Variants in LRRTM3 observed in about 807,000 individuals in gnomAD.
The protein encoded by LRRTM3 is leucine rich repeat transmembrane neuronal 3, also known as leucine-rich repeat transmembrane neuronal protein 3.
LRRTM3 carries 24 observed loss-of-function variants against 44.7 expected under a neutral mutation model. The ratio of observed to expected loss-of-function variants is 0.54; its 90% CI spans 0.39 to 0.76. The LOEUF (loss-of-function observed/expected upper bound fraction) is 0.76. Among genes scored for constraint, LRRTM3 ranks in the 30% least tolerant of loss-of-function variants. The probability of loss-of-function intolerance (pLI) is 0.00; values close to 1 mark genes in which losing one functional copy is unlikely to be tolerated. For missense variants in LRRTM3, 587 were observed against 702.2 expected (o/e 0.84, Z 1.85); for synonymous variants, 277 against 278.7 (o/e 0.99, Z 0.06).
intron 2 of LRRTM3, among the ~76,000 whole-genome samples, chr10:66,997,694 A>T (rs1395017055): frequency 1.3e-5 from 2 of 152,124 alleles, no homozygotes; most frequent in African/African-American, 4.8e-5. Context: ...TCATCTAAAT[A>T]CCTCATTAAA....
In LRRTM3 at chr10:67,099,690, G is replaced by A. The variant is rs1858225658; in HGVS notation, c.*1894G>A. On this transcript the variant is annotated 3_prime_UTR_variant, in exon 3 of 3. Coordinates refer to ENST00000361320, the MANE Select transcript of LRRTM3 (RefSeq NM_178011.5). ...AGCAAATTCTATTACTAATTCAAATGAAACTAAATGTCAAACACAGTACTT... is the reference window on the plus strand; with the variant it reads ...AGCAAATTCTATTACTAATTCAAATAAAACTAAATGTCAAACACAGTACTT... 1 of 152,126 alleles carries A rather than the reference G, an allele frequency of 6.6e-6. No individual in the cohort carries two copies. Among genetic ancestry groups the A allele is most frequent in the South Asian group, 2.1e-4 (1 of 4,838 alleles). The allele number at this position is 152,126 out of a possible 1,614,324, so 9.4% of individuals were successfully genotyped here.
At chr10:66,970,277 G>A (rs921087900) in intron 2 of LRRTM3, among the ~76,000 whole-genome samples, 1 of 152,082 alleles carries the variant, frequency 6.6e-6, no homozygotes, top group Non-Finnish European at 1.5e-5. Flanking sequence ...TGGCTATTGG[G>A]ATTTCTTTAC....
intron 2 of LRRTM3, among the ~76,000 whole-genome samples, chr10:66,985,515 A>G (rs1443579463): frequency 1.3e-5 from 2 of 152,114 alleles, no homozygotes; most frequent in Non-Finnish European, 2.9e-5. Context: ...CTAGTTCTCA[A>G]ATCTTCTGCA....
intron 2 of LRRTM3, among the ~76,000 whole-genome samples, chr10:67,087,865 C>A (rs1023008744): frequency 6.6e-6 from 1 of 151,920 alleles, no homozygotes; most frequent in African/African-American, 2.4e-5. Flanking sequence ...TTCATTCATT[C>A]AATAAATACA....
chr10:66,955,404 C>T (rs761739444), intron 2 of LRRTM3, among the ~76,000 whole-genome samples: 20 of 152,228 alleles, frequency 1.3e-4, no homozygotes, highest in Middle Eastern at 3.4e-3. Context: ...CACAATCACC[C>T]TATGATGTAG....
chr10:67,071,347 C>A (rs1314791784), intron 2 of LRRTM3, among the ~76,000 whole-genome samples: 4 of 119,428 alleles, frequency 3.3e-5, no homozygotes, highest in Non-Finnish European at 5.2e-5. Flanking sequence ...TTTTTTTGGT[C>A]AGAAAATGTC....
intron 2 of LRRTM3, among the ~76,000 whole-genome samples, chr10:67,062,514 A>AGT (rs997752117): frequency 2.0e-5 from 3 of 152,058 alleles, no homozygotes; most frequent in Admixed American, 6.6e-5. Flanking sequence ...TTTGGTTGAA[A>AGT]GTGTGTGTGT....
chr10:66,990,889 T>C (rs899721237), intron 2 of LRRTM3, among the ~76,000 whole-genome samples: 9 of 152,202 alleles, frequency 5.9e-5, no homozygotes, highest in African/African-American at 1.7e-4. Flanking sequence ...GTAGACCAAG[T>C]AGAACTCTAG....
chr10:67,101,241 A>G lies in LRRTM3; in HGVS notation c.*3445A>G, dbSNP rs940097269. Among the ~76,000 whole-genome samples the G allele has an allele frequency of 2.0e-5, 3 of 151,794 alleles. No homozygotes were observed. Among genetic ancestry groups the G allele is most frequent in the African/African-American group, 7.2e-5 (3 of 41,414 alleles). ...AAAGAAACCCCAAGGAAAAAACCAA[A>G]GACCTTCTAAATTGAGACTGCATAA... On this transcript the variant is annotated 3_prime_UTR_variant, in exon 3 of 3. Coordinates refer to ENST00000361320, the MANE Select transcript of LRRTM3 (RefSeq NM_178011.5).
intron 2 of LRRTM3, among the ~76,000 whole-genome samples, chr10:67,068,185 G>C (rs957473237): frequency 3.3e-5 from 5 of 152,122 alleles, no homozygotes; most frequent in African/African-American, 1.2e-4. Flanking sequence ...AGGGGGGAAG[G>C]ATATATAATA....
intron 2 of LRRTM3, among the ~76,000 whole-genome samples, chr10:66,958,611 G>GAAAACA (rs1370436507): frequency 6.6e-6 from 1 of 151,794 alleles, no homozygotes; most frequent in African/African-American, 2.4e-5. Context: ...AATACTTACA[G>GAAAACA]AAAACAAAAG....
At chr10:67,037,632 T>G (rs1482642156) in intron 2 of LRRTM3, among the ~76,000 whole-genome samples, 1 of 152,082 alleles carries the variant, frequency 6.6e-6, no homozygotes, top group Non-Finnish European at 1.5e-5. Context: ...AAACCTGAAC[T>G]AAGACACTAA....
intron 2 of LRRTM3, among the ~76,000 whole-genome samples, chr10:67,089,948 A>G (rs1344572888): frequency 6.6e-6 from 1 of 152,078 alleles, no homozygotes; most frequent in Non-Finnish European, 1.5e-5. Flanking sequence ...GTTTTACATA[A>G]AGAAAAAATT....
chr10:67,019,612 G>C (rs140550932), intron 2 of LRRTM3, among the ~76,000 whole-genome samples: 1 of 152,312 alleles, frequency 6.6e-6, no homozygotes, highest in Non-Finnish European at 1.5e-5. Context: ...CAAAGAGGTT[G>C]AGTAATTTGT....
rs140558836 is a variant in LRRTM3, at chr10:67,097,928, C to G, written c.*132C>G. The G allele has an allele frequency of 5.4e-6, 4 of 735,092 alleles. No homozygotes were observed. In the East Asian group the frequency reaches 1.1e-4, roughly 20 times the overall value. 45.5% of individuals were successfully genotyped at this position (735,092 alleles called of 1,614,324 possible). A position where few individuals can be genotyped will look rare whatever the true frequency, so the allele number is the denominator to read the frequency against. ...TCCCCTGTTCAAATAAACAAAAAAT[C>G]CAAGATTGATTCATGAAATAAAGAA... is the stretch of plus-strand genomic sequence containing the variant. On this transcript the variant is annotated 3_prime_UTR_variant, in exon 3 of 3. Transcript: ENST00000361320.
chr10:67,074,342 CTTTTTTTT>C (rs36186252), intron 2 of LRRTM3, among the ~76,000 whole-genome samples: 1 of 68,726 alleles, frequency 1.5e-5, no homozygotes, highest in Non-Finnish European at 2.5e-5. Flanking sequence ...CACTTTAACT[CTTTTTTTT>C]TTTTTTTTTT....
At chr10:66,972,073 C>A (rs1179072131) in intron 2 of LRRTM3, among the ~76,000 whole-genome samples, 1 of 152,148 alleles carries the variant, frequency 6.6e-6, no homozygotes, top group Non-Finnish European at 1.5e-5. Flanking sequence ...ACTCTACACT[C>A]CACTGAGCTT....
At chr10:66,960,515 C>A (rs1220111971) in intron 2 of LRRTM3, among the ~76,000 whole-genome samples, 2 of 152,246 alleles carry the variant, frequency 1.3e-5, no homozygotes, top group East Asian at 3.9e-4. Context: ...TTACAATGAT[C>A]TTTTCTCAGA....
At chr10:66,990,033 T>C (rs1850957776) in intron 2 of LRRTM3, among the ~76,000 whole-genome samples, 1 of 152,196 alleles carries the variant, frequency 6.6e-6, no homozygotes, top group Non-Finnish European at 1.5e-5. Context: ...GCAATAATAA[T>C]CCTTGCATAA....
Sources: gnomAD v4.1 joint callset for allele counts (sites outside exome capture counted in the v4.1 genomes callset) on GRCh38, gnomAD v4.1.1 for gene constraint, MANE v1.5 for transcripts, NCBI Gene and HGNC (gene_info 2026-07-23, HGNC 2026-07-21) for gene names.